Variants in DENND1B observed in about 807,000 individuals in gnomAD.
DENND1B encodes DENN domain-containing protein 1B.
In DENND1B, 59 loss-of-function variants were observed where a neutral mutation model predicts 90.1. That is an observed-to-expected ratio of 0.65 (90% CI 0.53 to 0.81). DENND1B has a LOEUF of 0.81. Ranked by LOEUF, DENND1B falls within the 40% of genes least tolerant of loss-of-function variation. DENND1B has a pLI of 0.00. For missense variants in DENND1B, 862 were observed against 912.6 expected (o/e 0.94, Z 0.71); for synonymous variants, 337 against 324.6 (o/e 1.04, Z -0.41).
rs540318278 is a variant in DENND1B at position 197,616,338 on chromosome 1, T to C, written c.773+1321A>G. On this transcript the variant is annotated intron_variant, in intron 11 of 22. Coordinates refer to ENST00000620048, the MANE Select transcript of DENND1B (RefSeq NM_001195215.2). ...AAGGAATGCTAAAATATTATAGGTATGTTGGTTAAAGGAAAACTCTAAAAT... is the reference window on the plus strand; with the variant it reads ...AAGGAATGCTAAAATATTATAGGTACGTTGGTTAAAGGAAAACTCTAAAAT... Among the ~76,000 whole-genome samples, 199 of 151,176 alleles carry C rather than the reference T, an allele frequency of 1.3e-3. 2 individuals carry two copies. Among genetic ancestry groups the C allele is most frequent in the African/African-American group, 4.5e-3 (187 of 41,412 alleles).
intron 2 of DENND1B, among the ~76,000 whole-genome samples, chr1:197,753,915 G>A (rs761922373): frequency 2.0e-5 from 3 of 150,924 alleles, no homozygotes; most frequent in Admixed American, 6.6e-5. Context: ...CAGAAGAATC[G>A]CTTAAACCCG....
intron 3 of DENND1B, among the ~76,000 whole-genome samples, chr1:197,678,859 T>C (rs1185167212): frequency 6.6e-6 from 1 of 152,132 alleles, no homozygotes; most frequent in Non-Finnish European, 1.5e-5. Context: ...CCTTGGAGAA[T>C]ATATTTTTAA....
intron 2 of DENND1B, among the ~76,000 whole-genome samples, chr1:197,723,117 C>G (rs1661329997): frequency 6.6e-6 from 1 of 152,100 alleles, no homozygotes; most frequent in South Asian, 2.1e-4. Flanking sequence ...CAAATATTAG[C>G]AAATTCTAAC....
intron 3 of DENND1B, among the ~76,000 whole-genome samples, chr1:197,702,915 T>C (rs1659178164): frequency 6.6e-6 from 1 of 152,170 alleles, no homozygotes. Flanking sequence ...ACTGAGTATA[T>C]ACTTTTGTTT....
At chr1:197,645,085 AC>A (rs1680615100) in intron 9 of DENND1B, among the ~76,000 whole-genome samples, 1 of 152,116 alleles carries the variant, frequency 6.6e-6, no homozygotes, top group Admixed American at 6.5e-5. Flanking sequence ...CTATTAAAAT[AC>A]TGAAAATAGT....
intron 3 of DENND1B, among the ~76,000 whole-genome samples, chr1:197,695,036 T>C (rs946235018): frequency 6.6e-6 from 1 of 151,260 alleles, no homozygotes; most frequent in Non-Finnish European, 1.5e-5. Context: ...TCCAAATTAG[T>C]TTCCCTGTTT....
intron 2 of DENND1B, among the ~76,000 whole-genome samples, chr1:197,740,229 T>C (rs891905178): frequency 1.3e-5 from 2 of 152,150 alleles, no homozygotes; most frequent in Admixed American, 1.3e-4. Context: ...ATGCAAACCC[T>C]TGAAGGAGCA....
intron 3 of DENND1B, among the ~76,000 whole-genome samples, chr1:197,679,415 C>T (rs189519031): frequency 6.6e-6 from 1 of 151,296 alleles, no homozygotes; most frequent in Admixed American, 6.6e-5. Flanking sequence ...ATTAATAGAG[C>T]ATTTACACTG....
Position 197,642,760 on chromosome 1 carries a change from C to T in DENND1B, c.623G>A (p.Ser208Asn). The change falls in exon 10 of 23, where the codon AGT becomes AAT. Residue 208 changes from serine to asparagine, a missense_variant. Transcript: ENST00000620048. ...CACGATGCGCCTTTCATGCAGCATA[C>T]TGGCATACAGCTGCAGCATGTTGTT... ...DVNNMLQLYA[S>N]MLHERRIVII... 6.2e-7 allele frequency: 1 copy of T among 1,613,728 alleles called. No individual in the cohort carries two copies. The highest frequency in any genetic ancestry group is 1.1e-5 in the South Asian group (1 of 91,036).
chr1:197,708,000 G>A (rs558496825), intron 3 of DENND1B, among the ~76,000 whole-genome samples: 57 of 151,962 alleles, frequency 3.8e-4, no homozygotes, highest in Non-Finnish European at 6.0e-4. Context: ...ACTCCCACCC[G>A]AATATTGCGC....
At chr1:197,691,252 C>T (rs779795026) in intron 3 of DENND1B, among the ~76,000 whole-genome samples, 16 of 146,660 alleles carry the variant, frequency 1.1e-4, no homozygotes, top group Non-Finnish European at 2.1e-4. Context: ...ACTCCTATAA[C>T]TTAACAGCAA....
intron 10 of DENND1B, among the ~76,000 whole-genome samples, chr1:197,622,865 T>A (rs773353752): frequency 2.0e-4 from 31 of 151,456 alleles, no homozygotes; most frequent in Non-Finnish European, 1.0e-4. Context: ...AAAACTAGAA[T>A]TGTTTTAAGC....
chr1:197,604,038 T>C (rs2125829852), intron 13 of DENND1B, among the ~76,000 whole-genome samples: 1 of 151,366 alleles, frequency 6.6e-6, no homozygotes, highest in South Asian at 2.1e-4. Flanking sequence ...ATACTACAGA[T>C]GTTTGAAGGT....
intron 3 of DENND1B, among the ~76,000 whole-genome samples, chr1:197,703,975 A>T (rs1330757064): frequency 3.3e-5 from 5 of 152,078 alleles, no homozygotes; most frequent in African/African-American, 1.2e-4. Context: ...TTTTGGTCAG[A>T]CTCATGCCTG....
intron 2 of DENND1B, chr1:197,735,432 G>A (rs1662552374): frequency 2.1e-6 from 3 of 1,448,282 alleles, no homozygotes; most frequent in Non-Finnish European, 2.7e-6. Context: ...AAAATACTCT[G>A]AAGCTACTTC....
intron 15 of DENND1B, among the ~76,000 whole-genome samples, chr1:197,576,607 A>G (rs954749867): frequency 6.6e-6 from 1 of 152,240 alleles, no homozygotes; most frequent in Non-Finnish European, 1.5e-5. Context: ...TATAGAATGT[A>G]CAACATGTAT....
chr1:197,574,238 C>T (rs1269063788), intron 15 of DENND1B, among the ~76,000 whole-genome samples: 1 of 152,184 alleles, frequency 6.6e-6, no homozygotes. Flanking sequence ...GCAACTTCAG[C>T]AAAGTCTCAG....
intron 15 of DENND1B, among the ~76,000 whole-genome samples, chr1:197,575,422 G>A (rs1673582688): frequency 6.6e-6 from 1 of 152,034 alleles, no homozygotes; most frequent in South Asian, 2.1e-4. Context: ...CATTAAAAAG[G>A]TAAGAAACAA....
chr1:197,646,399 T>C (rs1680736301), intron 8 of DENND1B, among the ~76,000 whole-genome samples: 2 of 152,006 alleles, frequency 1.3e-5, no homozygotes, highest in South Asian at 4.2e-4. Context: ...AGTAAAACAG[T>C]TCATCAGAAT....
Sources: allele counts gnomAD v4.1 joint callset (sites outside exome capture counted in the v4.1 genomes callset), GRCh38; gene constraint gnomAD v4.1.1; transcripts MANE v1.5; gene names NCBI Gene and HGNC (gene_info 2026-07-23, HGNC 2026-07-21).